TPTE2: variants seen among roughly 807,000 people sequenced by gnomAD.
The protein encoded by TPTE2 is transmembrane phosphoinositide 3-phosphatase and tensin homolog 2, also known as phosphatidylinositol 3,4,5-trisphosphate 3-phosphatase TPTE2.
In TPTE2, 53 loss-of-function variants were observed where a neutral mutation model predicts 78.6. That is an observed-to-expected ratio of 0.67 (90% CI 0.54 to 0.85). TPTE2 has a LOEUF of 0.85. TPTE2 is among the 40% of genes least tolerant of loss of function. The pLI is 0.00. For synonymous variants in TPTE2, 175 were observed against 206.2 expected, an observed-to-expected ratio of 0.85 and a Z score of 1.30; for missense variants, 461 against 623.0, an observed-to-expected ratio of 0.74 and a Z score of 2.77.
At chr13:19,473,077 C>T (rs1879723676) in intron 6 of TPTE2, among the ~76,000 whole-genome samples, 1 of 152,170 alleles carries the variant, frequency 6.6e-6, no homozygotes, top group Non-Finnish European at 1.5e-5. Context: ...TCTCTCTGTT[C>T]TGAGGCACCT....
chr13:19,518,363 ATG>A (rs781198119), intron 1 of TPTE2, among the ~76,000 whole-genome samples: 1 of 152,242 alleles, frequency 6.6e-6, no homozygotes, highest in Admixed American at 6.5e-5. Flanking sequence ...ACAATTTATT[ATG>A]TGTCAATTAA....
intron 10 of TPTE2, among the ~76,000 whole-genome samples, chr13:19,463,172 G>A (rs1879049234): frequency 6.6e-6 from 1 of 150,900 alleles, no homozygotes; most frequent in Admixed American, 6.6e-5. Context: ...TTTAGAGACA[G>A]GATTTTGCCA....
the TPTE2 span, among the ~76,000 whole-genome samples, chr13:19,556,519 T>C: frequency 6.6e-6 from 1 of 152,108 alleles, no homozygotes; most frequent in Admixed American, 6.6e-5. Flanking sequence ...TTATCTATTA[T>C]GTACAACATT....
intron 10 of TPTE2, among the ~76,000 whole-genome samples, chr13:19,454,585 A>G (rs988758085): frequency 1.3e-5 from 2 of 152,166 alleles, no homozygotes; most frequent in Non-Finnish European, 2.9e-5. Context: ...TGATTTGTGG[A>G]ATTTATTAAA....
chr13:19,493,573 T>C, intron 1 of TPTE2, 72 bp from the exon 5 acceptor site: 1 of 1,357,250 alleles, frequency 7.4e-7, no homozygotes, highest in Non-Finnish European at 1.1e-6. Context: ...AAAATTACCT[T>C]TCATTACTCT....
chr13:19,547,659 G>C, the TPTE2 span, among the ~76,000 whole-genome samples: 1 of 146,052 alleles, frequency 6.8e-6, no homozygotes, highest in Non-Finnish European at 1.5e-5. Context: ...AATGAATAAG[G>C]TCTATCTCTA....
rs1877588608 is a variant in TPTE2, at chr13:19,442,964, T to C, written c.974-4811A>G. The stretch of plus-strand genomic sequence containing the variant: ...TTCACTGGTGAATTTCACTTTACAC[T>C]TAAGAAGGAAAAAAATCAGCATGCA... On this transcript the variant is annotated intron_variant, in intron 13 of 19. Coordinates refer to ENST00000400230, the Ensembl canonical transcript of TPTE2. 2.0e-5 allele frequency among the ~76,000 whole-genome samples: 3 copies of C among 152,026 alleles called. No homozygotes were observed. In the South Asian group the frequency reaches 6.2e-4, roughly 32 times the overall value.
At chr13:19,477,948 A>G (rs1333052041) in intron 4 of TPTE2, among the ~76,000 whole-genome samples, 3 of 152,208 alleles carry the variant, frequency 2.0e-5, no homozygotes, top group Non-Finnish European at 4.4e-5. Context: ...GCCTCCATGT[A>G]CCTTTCCTAA....
chr13:19,450,134 A>T, exon 13 of TPTE2: 1 of 1,611,352 alleles, frequency 6.2e-7, no homozygotes, highest in Non-Finnish European at 8.5e-7. Context: ...CCATCCACTC[A>T]TTTACTTCCT....
chr13:19,433,484 C>T (rs1876832013), intron 15 of TPTE2, among the ~76,000 whole-genome samples: 1 of 152,178 alleles, frequency 6.6e-6, no homozygotes, highest in African/African-American at 2.4e-5. Flanking sequence ...GTCTGGGTGA[C>T]AGAGCGAGAC....
At chr13:19,499,815 G>C (rs7998771) in intron 1 of TPTE2, among the ~76,000 whole-genome samples, 3,700 of 150,614 alleles carry the variant, frequency 0.025, 66 homozygotes, top group Middle Eastern at 0.051. Flanking sequence ...AGAGCTGAAG[G>C]AAATAGAGAC....
intron 6 of TPTE2, among the ~76,000 whole-genome samples, chr13:19,469,994 A>C (rs1219573471): frequency 6.6e-6 from 1 of 152,070 alleles, no homozygotes; most frequent in African/African-American, 2.4e-5. Flanking sequence ...TTCCATCCCA[A>C]TTTGGATTTC....
intron 15 of TPTE2, 59 bp from the exon 19 acceptor site, chr13:19,432,637 CTTTTTT>C (rs71092355): frequency 2.2e-3 from 1,494 of 669,650 alleles, no homozygotes; most frequent in South Asian, 3.3e-3. Flanking sequence ...GTCAGCATTC[CTTTTTT>C]TTTTTTTTTT....
At chr13:19,526,146 G>A (rs1232065914) in intron 1 of TPTE2, among the ~76,000 whole-genome samples, 12 of 152,082 alleles carry the variant, frequency 7.9e-5, no homozygotes, top group Non-Finnish European at 1.3e-4. Flanking sequence ...CAAAGAACTT[G>A]AGAATTACCC....
At chr13:19,504,493 G>GT (rs954509568), upstream of TPTE2, among the ~76,000 whole-genome samples, 3 of 151,808 alleles carry the variant, frequency 2.0e-5, no homozygotes, top group African/African-American at 4.8e-5. Flanking sequence ...CATTAGCTCT[G>GT]TTTTTTTTCC....
chr13:19,528,247 C>T (rs1020396377), intron 1 of TPTE2, among the ~76,000 whole-genome samples: 4 of 151,658 alleles, frequency 2.6e-5, no homozygotes, highest in African/African-American at 4.8e-5. Flanking sequence ...ATTAGCTGGG[C>T]GTGGTGACAG....
intron 4 of TPTE2, among the ~76,000 whole-genome samples, chr13:19,477,871 A>AG (rs1880070475): frequency 6.6e-6 from 1 of 152,234 alleles, no homozygotes; most frequent in East Asian, 1.9e-4. Flanking sequence ...ATCCATATCC[A>AG]GGAAAAGTAC....
chr13:19,443,896 TA>T (rs1877659179), intron 13 of TPTE2, among the ~76,000 whole-genome samples: 1 of 152,170 alleles, frequency 6.6e-6, no homozygotes, highest in African/African-American at 2.4e-5. Context: ...TAGCCAGTGC[TA>T]GGGGAGATAA....
At chr13:19,487,261 T>C (rs1880718301) in intron 3 of TPTE2, among the ~76,000 whole-genome samples, 1 of 151,980 alleles carries the variant, frequency 6.6e-6, no homozygotes, top group Non-Finnish European at 1.5e-5. Context: ...CAGCTGCTTG[T>C]CTCTCAGGTC....
Sources: gnomAD v4.1 joint callset for allele counts (sites outside exome capture counted in the v4.1 genomes callset) on GRCh38, gnomAD v4.1.1 for gene constraint, MANE v1.5 for transcripts, NCBI Gene and HGNC (gene_info 2026-07-23, HGNC 2026-07-21) for gene names.